Variants in KIF26B observed in about 807,000 individuals in gnomAD.
The protein encoded by KIF26B is kinesin-like protein KIF26B.
A neutral mutation model predicts 151.2 loss-of-function variants in KIF26B; 63 were observed. The ratio of observed to expected loss-of-function variants is 0.42; its 90% CI spans 0.34 to 0.51. The LOEUF is 0.51. KIF26B is among the 20% of genes least tolerant of loss of function. KIF26B has a pLI of 0.07. For synonymous variants in KIF26B, 1,357 were observed against 1,262.1 expected (o/e 1.08, Z -1.59); for missense variants, 2,813 against 2,913.6 (o/e 0.97, Z 0.79).
At chr1:245,658,660 G>C (rs921338506) in intron 10 of KIF26B, among the ~76,000 whole-genome samples, 4 of 152,040 alleles carry the variant, frequency 2.6e-5, no homozygotes, top group African/African-American at 9.7e-5. Context: ...CCAAAGTGCT[G>C]GGATTACAGG....
intron 5 of KIF26B, among the ~76,000 whole-genome samples, chr1:245,544,531 T>C (rs923975199): frequency 6.6e-6 from 1 of 151,432 alleles, no homozygotes; most frequent in Non-Finnish European, 1.5e-5. Flanking sequence ...TAGAGCAACT[T>C]CTTATTTAGT....
intron 10 of KIF26B, among the ~76,000 whole-genome samples, chr1:245,664,144 A>C (rs2044187068): frequency 6.6e-6 from 1 of 151,940 alleles, no homozygotes; most frequent in Non-Finnish European, 1.5e-5. Flanking sequence ...CGAGGCAGGC[A>C]GATCACCTGA....
intron 2 of KIF26B, among the ~76,000 whole-genome samples, chr1:245,176,963 A>C (rs974806714): frequency 5.9e-5 from 9 of 152,122 alleles, no homozygotes; most frequent in African/African-American, 2.2e-4. Flanking sequence ...TAATTAATTA[A>C]GTAGTTTCTA....
chr1:245,544,124 C>T (rs1182669030), intron 5 of KIF26B, among the ~76,000 whole-genome samples: 2 of 152,152 alleles, frequency 1.3e-5, no homozygotes, highest in East Asian at 1.9e-4. Context: ...TCCACCTCCA[C>T]GGATATCTCA....
At chr1:245,678,638 A>T (rs544854169) in intron 10 of KIF26B, among the ~76,000 whole-genome samples, 28 of 152,082 alleles carry the variant, frequency 1.8e-4, no homozygotes, top group East Asian at 1.5e-3. Flanking sequence ...CCAAGGAGGG[A>T]GGATCACGAG....
chr1:245,309,206 G>A (rs1671617331), intron 2 of KIF26B, among the ~76,000 whole-genome samples: 1 of 152,190 alleles, frequency 6.6e-6, no homozygotes, highest in African/African-American at 2.4e-5. Context: ...CAATAATGCT[G>A]TCAATGACGT....
chr1:245,587,630 T>G (rs10218792), intron 5 of KIF26B, among the ~76,000 whole-genome samples: 39,400 of 152,066 alleles, frequency 0.26, 5,225 homozygotes, highest in Admixed American at 0.29. Context: ...AACAGCAGCT[T>G]GAGTGCTTTG....
At chr1:245,598,959 C>T (rs1210802880) in intron 5 of KIF26B, among the ~76,000 whole-genome samples, 1 of 152,072 alleles carries the variant, frequency 6.6e-6, no homozygotes, top group South Asian at 2.1e-4. Flanking sequence ...GCAGGTCTAC[C>T]CTTGGGAGTG....
Position 245,702,324 on chromosome 1 carries a change from G to C in KIF26B, c.6179-134G>C, listed in dbSNP as rs1301888141. 1.2e-6 allele frequency: 1 copy of C among 840,664 alleles called. No homozygotes were observed. The highest frequency in any genetic ancestry group is 2.5e-5 in the East Asian group (1 of 39,472). 52.1% of individuals were successfully genotyped at this position (840,664 alleles called of 1,614,324 possible). On this transcript the variant is annotated intron_variant, in intron 14 of 14. Transcript: ENST00000407071. The surrounding 1 kb of genome is among the most constrained non-coding windows in gnomAD (Gnocchi z 4.1). The stretch of plus-strand genomic sequence containing the variant: ...GAATCAGGCAGGAGGGAACTCTGCA[G>C]TGGCCTAAGGCAAGCGAACTAGACC...
chr1:245,674,410 G>A (rs2044332226), intron 10 of KIF26B, among the ~76,000 whole-genome samples: 1 of 152,166 alleles, frequency 6.6e-6, no homozygotes, highest in Non-Finnish European at 1.5e-5. Flanking sequence ...TCCTGCAGGT[G>A]GATCAAATAC....
At chr1:245,324,003 G>C (rs879383538) in intron 2 of KIF26B, among the ~76,000 whole-genome samples, 1 of 143,398 alleles carries the variant, frequency 7.0e-6, no homozygotes, top group Non-Finnish European at 1.5e-5. Context: ...AGGTAGAGTT[G>C]GTGTGGACTC....
rs1419804523 is a variant in KIF26B, at chr1:245,367,861, A to T, written c.999+494A>T. On this transcript the variant is annotated intron_variant, in intron 3 of 14. Transcript: ENST00000407071. The surrounding 1 kb of genome is among the most constrained non-coding windows in gnomAD (Gnocchi z 4.2). ...GAGAATTAAATAAGGTAGTGTTTGCATGACATGTAGGCCAACACCTGCCAT... is the reference window on the plus strand; with the variant it reads ...GAGAATTAAATAAGGTAGTGTTTGCTTGACATGTAGGCCAACACCTGCCAT... Among the ~76,000 whole-genome samples, 4 of 152,228 alleles carry T rather than the reference A, an allele frequency of 2.6e-5. No individual in the cohort carries two copies. Among genetic ancestry groups the T allele is most frequent in the African/African-American group, 7.2e-5 (3 of 41,472 alleles).
Position 245,660,105 on chromosome 1 carries a change from T to TAAA in KIF26B, c.2258+13826_2258+13828dup, listed in dbSNP as rs1266081733. On this transcript the variant is annotated intron_variant, in intron 10 of 14. Transcript: ENST00000407071. ...AATATTTTTTCTATGGCAATAATAA[T>TAAA]AAACACAAGATGCAGGTATAGATTC... Among the ~76,000 whole-genome samples, 6 of 151,804 alleles carry TAAA rather than the reference T, an allele frequency of 4.0e-5. No individual in the cohort carries two copies. The East Asian group carries it at 9.8e-4, about 25-fold the overall frequency.
chr1:245,671,882 C>T (rs112117975), intron 10 of KIF26B, among the ~76,000 whole-genome samples: 18 of 152,296 alleles, frequency 1.2e-4, no homozygotes, highest in African/African-American at 2.9e-4. Context: ...AAGCTCACAG[C>T]GTGTTCAGGG....
intron 10 of KIF26B, among the ~76,000 whole-genome samples, chr1:245,682,121 T>C (rs935578395): frequency 6.6e-6 from 1 of 152,184 alleles, no homozygotes; most frequent in African/African-American, 2.4e-5. Context: ...GGCGCGTGCC[T>C]GTAGTCCCAG....
At chr1:245,275,459 T>C (rs779587797) in intron 2 of KIF26B, among the ~76,000 whole-genome samples, 2 of 152,194 alleles carry the variant, frequency 1.3e-5, no homozygotes, top group Non-Finnish European at 2.9e-5. Flanking sequence ...TTTATGGTTT[T>C]AGGTCTTACG....
intron 9 of KIF26B, among the ~76,000 whole-genome samples, chr1:245,635,723 A>G (rs1245770224): frequency 2.6e-5 from 4 of 151,536 alleles, no homozygotes; most frequent in African/African-American, 9.7e-5. Flanking sequence ...AGCTGAGATC[A>G]TTGATTTGAA....
rs534356626 is a variant in KIF26B at position 245,265,537 on chromosome 1, G to C, written c.466-101297G>C. ...CAATGTGAAAAGCAAATTCTAAACA[G>C]TTTAGGGAAGAATATAGGAAGATAT... On this transcript the variant is annotated intron_variant, in intron 2 of 14. Transcript: ENST00000407071. 2.0e-5 allele frequency among the ~76,000 whole-genome samples: 3 copies of C among 151,412 alleles called. No individual in the cohort carries two copies. In the South Asian group the frequency reaches 6.2e-4, roughly 32 times the overall value.
In KIF26B at chr1:245,685,347, G is replaced by A. The variant is rs1037539378; in HGVS notation, c.2422-58G>A. Reference sequence around the variant, plus strand: ...CTTCACCACTTGCCGCGCACAGCTGGGCTCCCGGGGAAACTGCCACGGAAA... The same window carrying A: ...CTTCACCACTTGCCGCGCACAGCTGAGCTCCCGGGGAAACTGCCACGGAAA... On this transcript the variant is annotated intron_variant, in intron 11 of 14. Transcript: ENST00000407071. The A allele has an allele frequency of 7.8e-6, 11 of 1,408,564 alleles. No homozygotes were observed. The African/African-American group carries it at 1.4e-4, about 18-fold the overall frequency. 87.3% of individuals were successfully genotyped at this position (1,408,564 alleles called of 1,614,324 possible).
Sources: gnomAD v4.1 joint callset for allele counts (sites outside exome capture counted in the v4.1 genomes callset) on GRCh38, gnomAD v4.1.1 for gene constraint, Gnocchi (gnomAD v3.1) non-coding constraint, MANE v1.5 for transcripts, NCBI Gene and HGNC (gene_info 2026-07-23, HGNC 2026-07-21) for gene names.